LTV1: variants seen among roughly 807,000 people sequenced by gnomAD.
LTV1 encodes the protein LTV1 ribosome biogenesis factor, also known as protein LTV1 homolog.
A neutral mutation model predicts 59.9 loss-of-function variants in LTV1; 39 were observed. The ratio of observed to expected loss-of-function variants is 0.65; its 90% CI spans 0.50 to 0.85. LTV1 has a LOEUF of 0.85. Ranked by LOEUF, LTV1 falls within the 40% of genes least tolerant of loss-of-function variation. The pLI, the probability that LTV1 is intolerant of heterozygous loss-of-function variation, is 0.00. For missense variants in LTV1, 493 were observed against 549.1 expected (o/e 0.90, Z 1.02); for synonymous variants, 171 against 189.5 (o/e 0.90, Z 0.80).
intron 6 of LTV1, 78 bp from the exon 7 acceptor site, chr6:143,860,348 T>G (rs1292062227): frequency 4.7e-6 from 6 of 1,287,650 alleles, no homozygotes; most frequent in Non-Finnish European, 6.5e-6. Context: ...ATAAAGTTAA[T>G]GTAAAAAAAT....
rs780360894 is a variant in LTV1, at chr6:143,860,307, G to A, written c.796-119G>A. 50 of 755,396 alleles carry A rather than the reference G, an allele frequency of 6.6e-5. 1 individual carries two copies. Among genetic ancestry groups the A allele is most frequent in the Non-Finnish European group, 1.0e-4 (49 of 479,780 alleles). 46.8% of individuals were successfully genotyped at this position (755,396 alleles called of 1,614,324 possible). ...CCCTACTGATATTTTAATGGTAATT[G>A]TGATAGTACCTGAATAACTATTGTG... On this transcript the variant is annotated intron_variant, in intron 6 of 10. Coordinates refer to ENST00000367576, the MANE Select transcript of LTV1 (RefSeq NM_032860.5).
intron 6 of LTV1, chr6:143,858,224 T>C (rs1777111549): frequency 1.9e-6 from 1 of 537,204 alleles, no homozygotes; most frequent in African/African-American, 1.9e-5. Flanking sequence ...AGCATAGAAC[T>C]GTGCAGAAGA....
In LTV1 at chr6:143,844,568, T is replaced by C. The variant is rs1227709158; in HGVS notation, c.86T>C (p.Leu29Ser). Residue 29 changes from leucine (L) to serine (S), a missense_variant, in exon 2 of 11, where the codon TTA becomes TCA. Transcript: ENST00000367576. ...HLVHRSQRDP[L>S]AADESAPQRV... The stretch of plus-strand genomic sequence containing the variant: ...GTCCACCGGAGCCAACGAGATCCTT[T>C]AGCAGCAGATGAGAGTGCACCCCAG... The C allele has an allele frequency of 1.9e-6, 3 of 1,614,060 alleles. No individual in the cohort carries two copies. The highest frequency in any genetic ancestry group is 2.2e-5 in the East Asian group (1 of 44,888).
intron 6 of LTV1, chr6:143,858,812 T>C (rs1777119221): frequency 6.6e-6 from 1 of 152,218 alleles, no homozygotes; most frequent in Non-Finnish European, 1.5e-5. Context: ...TTTCTTTTTT[T>C]ATTTTTTAAA....
At position 143,844,540 on chromosome 6, in the gene LTV1, T is replaced by C. The variant is rs769390907; in HGVS notation, c.58T>C (p.Leu20=). 2.5e-6 allele frequency: 4 copies of C among 1,614,154 alleles called. No individual in the cohort carries two copies. The highest frequency in any genetic ancestry group is 2.5e-6 in the Non-Finnish European group (3 of 1,180,016). ...IEKKKAVSFH[L]VHRSQRDPLA... is the part of the protein sequence containing the mutation. ...GAAGAAGAAAGCTGTGTCTTTTCAC[T>C]TGGTCCACCGGAGCCAACGAGATCC... The change falls in exon 2 of 11, where the codon TTG becomes CTG. Residue 20 remains leucine, a synonymous_variant. Transcript: ENST00000367576.
In LTV1 at chr6:143,857,731, A is replaced by G. The variant is rs200738908; in HGVS notation, c.540-21A>G. 1.3e-3 allele frequency: 2,103 copies of G among 1,612,232 alleles called. 10 individuals are homozygous for G. The highest frequency in any genetic ancestry group is 3.3e-3 in the Middle Eastern group (20 of 6,044). On this transcript the variant is annotated intron_variant, in intron 5 of 10. Coordinates refer to ENST00000367576, the MANE Select transcript of LTV1 (RefSeq NM_032860.5). This position sits in a 1 kb window ranked among gnomAD's most constrained non-coding sequence, Gnocchi z 5.2. Reference sequence around the variant, plus strand: ...TACTTTTTAAGTTGTTTTGGTAGGTAATTTATGACCTTTACTTTAGGAAAT... The same window carrying G: ...TACTTTTTAAGTTGTTTTGGTAGGTGATTTATGACCTTTACTTTAGGAAAT...
At chr6:143,860,770 T>C (rs1383022024) in intron 7 of LTV1, among the ~76,000 whole-genome samples, 1 of 152,184 alleles carries the variant, frequency 6.6e-6, no homozygotes. Flanking sequence ...CATGTATAGC[T>C]CATTGTTTTG....
At chr6:143,853,414 A>G (rs1777018393) in intron 4 of LTV1, among the ~76,000 whole-genome samples, 1 of 152,200 alleles carries the variant, frequency 6.6e-6, no homozygotes, top group African/African-American at 2.4e-5. Context: ...TAATCTGCAA[A>G]CAGAGACAAT....
intron 4 of LTV1, among the ~76,000 whole-genome samples, chr6:143,852,600 T>C (rs1777001457): frequency 6.6e-6 from 1 of 152,226 alleles, no homozygotes; most frequent in Non-Finnish European, 1.5e-5. Flanking sequence ...ATTTTGGCTT[T>C]TGTTGACATT....
chr6:143,845,014 A>G (rs1162493415), intron 2 of LTV1, among the ~76,000 whole-genome samples: 5 of 152,228 alleles, frequency 3.3e-5, no homozygotes, highest in Non-Finnish European at 7.3e-5. Flanking sequence ...AGCACCAGCT[A>G]CAATGCGGCA....
At chr6:143,843,890 T>C (rs1485673525) in intron 1 of LTV1, among the ~76,000 whole-genome samples, 2 of 152,192 alleles carry the variant, frequency 1.3e-5, no homozygotes, top group Non-Finnish European at 2.9e-5. Flanking sequence ...AGGGAACTTG[T>C]GGGAGAGCAT....
intron 3 of LTV1, among the ~76,000 whole-genome samples, chr6:143,848,603 A>T (rs1180528621): frequency 6.6e-6 from 1 of 152,206 alleles, no homozygotes; most frequent in Non-Finnish European, 1.5e-5. Flanking sequence ...GTGCACAGAG[A>T]TAAATAACAC....
chr6:143,844,067 A>G (rs1776847381), intron 1 of LTV1, among the ~76,000 whole-genome samples: 1 of 152,102 alleles, frequency 6.6e-6, no homozygotes, highest in South Asian at 2.1e-4. Context: ...GGAGCTGTCT[A>G]CTCCAGATTA....
At position 143,843,395 on chromosome 6, in the gene LTV1, T is replaced by G. The variant is rs1776831182; in HGVS notation, c.-83T>G. The G allele has an allele frequency of 4.4e-6, 7 of 1,578,820 alleles. No individual in the cohort carries two copies. The Admixed American group carries it at 1.2e-4, about 26-fold the overall frequency. ...TGTGGTGAGGCCTACAGAAGCGGCC[T>G]TCAGCTGGACCTTGGTCTCCCCGCC... On this transcript the variant is annotated 5_prime_UTR_variant, in exon 1 of 11. Coordinates refer to ENST00000367576, the MANE Select transcript of LTV1 (RefSeq NM_032860.5).
At position 143,857,565 on chromosome 6, in the gene LTV1, G is replaced by GT; in HGVS notation, c.539+122dup. ...CAAGAGCATTTAATCTGAGACTTCT[G>GT]TATTTTAGAGCAGAAAATGTGAGAT... is the stretch of plus-strand genomic sequence containing the variant. On this transcript the variant is annotated intron_variant, in intron 5 of 10. Coordinates refer to ENST00000367576, the MANE Select transcript of LTV1 (RefSeq NM_032860.5). The surrounding 1 kb of genome is among the most constrained non-coding windows in gnomAD (Gnocchi z 5.2). The GT allele has an allele frequency of 9.0e-7, 1 of 1,112,564 alleles. No individual in the cohort carries two copies. The allele number at this position is 1,112,564 out of a possible 1,614,324, so 68.9% of individuals were successfully genotyped here.
At chr6:143,861,700 C>G (rs1777167587) in intron 7 of LTV1, among the ~76,000 whole-genome samples, 2 of 152,174 alleles carry the variant, frequency 1.3e-5, no homozygotes, top group East Asian at 3.9e-4. Flanking sequence ...ATGAAGTGTT[C>G]AAATCAGCTA....
chr6:143,859,669 C>T (rs1777131673), intron 6 of LTV1, among the ~76,000 whole-genome samples: 1 of 152,196 alleles, frequency 6.6e-6, no homozygotes, highest in African/African-American at 2.4e-5. Flanking sequence ...ATATCCCCCC[C>T]ATTTACTCTT....
At chr6:143,846,963 C>T (rs1388183620) in intron 3 of LTV1, among the ~76,000 whole-genome samples, 2 of 152,156 alleles carry the variant, frequency 1.3e-5, no homozygotes, top group Non-Finnish European at 2.9e-5. Flanking sequence ...CTCCTCATTC[C>T]CCAATTCTGT....
chr6:143,859,833 G>T (rs1411274951), intron 6 of LTV1, among the ~76,000 whole-genome samples: 2 of 152,188 alleles, frequency 1.3e-5, no homozygotes, highest in African/African-American at 4.8e-5. Flanking sequence ...TCTAGGCGTA[G>T]TGTCTCGTGC....
Sources: allele counts gnomAD v4.1 joint callset (sites outside exome capture counted in the v4.1 genomes callset), GRCh38; gene constraint gnomAD v4.1.1; non-coding constraint Gnocchi (gnomAD v3.1); transcripts MANE v1.5; gene names NCBI Gene and HGNC (gene_info 2026-07-23, HGNC 2026-07-21).